The following PPP6R3 variants were observed in gnomAD, a reference collection of about 807,000 sequenced individuals.
PPP6R3 encodes protein phosphatase 6 regulatory subunit 3, also known as serine/threonine-protein phosphatase 6 regulatory subunit 3.
In PPP6R3, 38 loss-of-function variants were observed where a neutral mutation model predicts 110.7. The observed-to-expected ratio is 0.34, with a 90% confidence interval of 0.26 to 0.45. The LOEUF (loss-of-function observed/expected upper bound fraction) is 0.45, where lower values mean the gene tolerates loss of function less well. PPP6R3 is among the 20% of genes least tolerant of loss of function. The pLI, the probability that PPP6R3 is intolerant of heterozygous loss-of-function variation, is 1.00. For missense variants in PPP6R3, 870 were observed against 1,062.4 expected (o/e 0.82, Z 2.52); for synonymous variants, 369 against 373.5 (o/e 0.99, Z 0.14).
intron 1 of PPP6R3, among the ~76,000 whole-genome samples, chr11:68,518,375 A>G (rs1035197687): frequency 1.3e-5 from 2 of 152,230 alleles, no homozygotes; most frequent in African/African-American, 4.8e-5. Context: ...CATAACCCAT[A>G]TTCTTCAAAG....
At chr11:68,520,709 T>G (rs1167086001) in intron 2 of PPP6R3, among the ~76,000 whole-genome samples, 2 of 152,208 alleles carry the variant, frequency 1.3e-5, no homozygotes, top group Non-Finnish European at 2.9e-5. Flanking sequence ...ATGAATCCCA[T>G]GTGGAGAATT....
chr11:68,553,729 T>C (rs1245510789), intron 6 of PPP6R3, among the ~76,000 whole-genome samples: 1 of 152,212 alleles, frequency 6.6e-6, no homozygotes, highest in Admixed American at 6.5e-5. Context: ...TCAGTTTTTT[T>C]CAGATTTTGG....
At chr11:68,521,959 G>A (rs1239024927) in intron 2 of PPP6R3, among the ~76,000 whole-genome samples, 1 of 152,128 alleles carries the variant, frequency 6.6e-6, no homozygotes. Flanking sequence ...TTGATCTGCA[G>A]CAAGGTTTTA....
chr11:68,494,460 G>A (rs2099004306), intron 1 of PPP6R3, among the ~76,000 whole-genome samples: 1 of 145,372 alleles, frequency 6.9e-6, no homozygotes, highest in Non-Finnish European at 1.5e-5. Context: ...AAGTGTATCA[G>A]CAATAGATGA....
At position 68,493,207 on chromosome 11, in the gene PPP6R3, A is replaced by T. The variant is rs879761228; in HGVS notation, c.-157-26294A>T. ...ATCCTGATACTTCCAAAGACTAGTT[A>T]TTTGCTCTCTGAGCTTCAGTTTCCT... On this transcript the variant is annotated intron_variant, in intron 1 of 23. Coordinates refer to ENST00000393800, the MANE Select transcript of PPP6R3 (RefSeq NM_001164161.2). 5.9e-5 allele frequency among the ~76,000 whole-genome samples: 9 copies of T among 152,224 alleles called. No individual in the cohort carries two copies. In the South Asian group the frequency reaches 6.2e-4, roughly 11 times the overall value.
intron 21 of PPP6R3, among the ~76,000 whole-genome samples, chr11:68,603,030 C>T (rs1376185798): frequency 2.0e-5 from 3 of 152,132 alleles, no homozygotes; most frequent in Non-Finnish European, 2.9e-5. Context: ...CTCTGCCCCA[C>T]ACTGGAACAG....
chr11:68,577,590 A>C (rs1436828882), intron 14 of PPP6R3, among the ~76,000 whole-genome samples: 2 of 152,188 alleles, frequency 1.3e-5, no homozygotes, highest in African/African-American at 2.4e-5. Flanking sequence ...TTCTTTTGTG[A>C]GCAGTTCTGT....
chr11:68,575,980 A>G lies in PPP6R3; in HGVS notation c.1482A>G (p.Glu494=). Residue 494 remains glutamate, a synonymous_variant, in exon 14 of 24, where the codon GAA becomes GAG. Transcript: ENST00000393800. Reference sequence around the variant, plus strand: ...AAGATCTTCCCGACGAAGTCAGGGAACGATGGGAGACGTTCTGCACAAGCT... The same window carrying G: ...AAGATCTTCCCGACGAAGTCAGGGAGCGATGGGAGACGTTCTGCACAAGCT... The part of the protein sequence containing the change: ...LIKDLPDEVR[E]RWETFCTSSL... 6.2e-7 allele frequency: 1 copy of G among 1,611,810 alleles called. No individual in the cohort carries two copies. Among genetic ancestry groups the G allele is most frequent in the African/African-American group, 1.3e-5 (1 of 74,948 alleles).
At chr11:68,552,198 C>T (rs2099384031) in intron 6 of PPP6R3, among the ~76,000 whole-genome samples, 1 of 152,212 alleles carries the variant, frequency 6.6e-6, no homozygotes, top group Admixed American at 6.5e-5. Flanking sequence ...CTAATATCTA[C>T]AAAGGAGTTG....
At chr11:68,526,907 C>T (rs1235827062) in intron 2 of PPP6R3, among the ~76,000 whole-genome samples, 1 of 152,158 alleles carries the variant, frequency 6.6e-6, no homozygotes, top group Admixed American at 6.5e-5. Context: ...TTAATTTGAA[C>T]TAGTTGACAA....
intron 8 of PPP6R3, among the ~76,000 whole-genome samples, chr11:68,561,473 T>C (rs2099420010): frequency 6.6e-6 from 1 of 152,168 alleles, no homozygotes; most frequent in Non-Finnish European, 1.5e-5. Context: ...CGACTGCAAG[T>C]AACAAAATGC....
intron 1 of PPP6R3, among the ~76,000 whole-genome samples, chr11:68,485,956 G>A (rs983157906): frequency 1.3e-5 from 2 of 151,216 alleles, no homozygotes; most frequent in Non-Finnish European, 2.9e-5. Flanking sequence ...GATCACTTGA[G>A]GCCAGGAGTT....
chr11:68,501,952 C>T (rs904302132), intron 1 of PPP6R3, among the ~76,000 whole-genome samples: 1 of 152,134 alleles, frequency 6.6e-6, no homozygotes, highest in South Asian at 2.1e-4. Context: ...TTTTGTCTGC[C>T]TCATCAGTGT....
At chr11:68,520,393 C>G (rs529344800) in intron 2 of PPP6R3, among the ~76,000 whole-genome samples, 30 of 152,280 alleles carry the variant, frequency 2.0e-4, no homozygotes, top group Non-Finnish European at 2.9e-4. Context: ...TTGACTCTTG[C>G]AACTGTCTTT....
intron 1 of PPP6R3, among the ~76,000 whole-genome samples, chr11:68,516,408 G>T (rs1203312623): frequency 6.6e-6 from 1 of 152,156 alleles, no homozygotes; most frequent in African/African-American, 2.4e-5. Flanking sequence ...TAGGATATAT[G>T]TATAAAGTAT....
intron 1 of PPP6R3, among the ~76,000 whole-genome samples, chr11:68,497,836 G>A (rs893744681): frequency 2.0e-5 from 3 of 151,992 alleles, no homozygotes; most frequent in African/African-American, 4.8e-5. Flanking sequence ...TGCCTAATCC[G>A]TGGCCACAAA....
intron 18 of PPP6R3, 56 bp from the exon 19 acceptor site, chr11:68,596,041 G>T: frequency 6.2e-7 from 1 of 1,606,976 alleles, no homozygotes. Flanking sequence ...GAATTTTCTG[G>T]ATTTAGCTGG....
chr11:68,570,465 G>A (rs950399114), intron 11 of PPP6R3, among the ~76,000 whole-genome samples: 1 of 152,188 alleles, frequency 6.6e-6, no homozygotes, highest in Admixed American at 6.5e-5. Context: ...GGCTAGCTTG[G>A]AACAGCCAAG....
chr11:68,608,604 G>C, intron 22 of PPP6R3, among the ~76,000 whole-genome samples: 1 of 152,148 alleles, frequency 6.6e-6, no homozygotes, highest in Middle Eastern at 3.2e-3. Context: ...AGTGATGGTC[G>C]TCACAGCACC....
Sources: allele counts gnomAD v4.1 joint callset (sites outside exome capture counted in the v4.1 genomes callset), GRCh38; gene constraint gnomAD v4.1.1; transcripts MANE v1.5; gene names NCBI Gene and HGNC (gene_info 2026-07-23, HGNC 2026-07-21).